TMEM182: variants seen among roughly 807,000 people sequenced by gnomAD.
TMEM182 encodes the protein transmembrane protein 182.
In TMEM182, 20 loss-of-function variants were observed where a neutral mutation model predicts 26.8. That is an observed-to-expected ratio of 0.75 (90% CI 0.53 to 1.09). TMEM182 has a LOEUF of 1.09. Among genes scored for constraint, TMEM182 ranks in the 50% least tolerant of loss-of-function variants. TMEM182 has a pLI of 0.00. For missense variants in TMEM182, 277 were observed against 275.5 expected (o/e 1.01, Z -0.04); for synonymous variants, 109 against 102.2 (o/e 1.07, Z -0.40).
intron 3 of TMEM182, among the ~76,000 whole-genome samples, chr2:102,771,928 G>A (rs1026799025): frequency 6.6e-6 from 1 of 152,176 alleles, no homozygotes; most frequent in South Asian, 2.1e-4. Context: ...GGTGTCCTGG[G>A]TGTGGGTGGG....
In TMEM182 at chr2:102,750,007, A is replaced by G. The variant is rs144763189; in HGVS notation, c.-82-8382A>G. 6.6e-3 allele frequency among the ~76,000 whole-genome samples: 998 copies of G among 152,050 alleles called. 24 individuals carry two copies. Among genetic ancestry groups the G allele is most frequent in the Admixed American group, 0.048 (728 of 15,290 alleles). On this transcript the variant is annotated intron_variant, in intron 1 of 5. Coordinates refer to the TMEM182 transcript ENST00000409173. Reference sequence around the variant, plus strand: ...ATATTTTTCAGTTTTCTATCTGGCGATCATATTAATTAATTTATAATAAAT... The same window carrying G: ...ATATTTTTCAGTTTTCTATCTGGCGGTCATATTAATTAATTTATAATAAAT...
chr2:102,824,431 CT>C (rs768081112), intron 3 of TMEM182, among the ~76,000 whole-genome samples: 3 of 152,244 alleles, frequency 2.0e-5, no homozygotes, highest in South Asian at 4.1e-4. Context: ...TGGACTTCCT[CT>C]TTGCTGTTCT....
chr2:102,762,790 A>G (rs964321852), intron 2 of TMEM182, 104 bp downstream of exon 2: 5 of 872,114 alleles, frequency 5.7e-6, no homozygotes, highest in East Asian at 2.7e-5. Flanking sequence ...GTGAGTTACA[A>G]AATCTCAATT....
At chr2:102,834,191 A>G (rs569821458) in intron 3 of TMEM182, among the ~76,000 whole-genome samples, 54 of 152,306 alleles carry the variant, frequency 3.5e-4, no homozygotes, top group African/African-American at 1.2e-3. Context: ...TATCTCTGGC[A>G]ATGACATGGC....
chr2:102,806,101 C>T (rs529539232), intron 4 of TMEM182, among the ~76,000 whole-genome samples: 38 of 152,244 alleles, frequency 2.5e-4, no homozygotes, highest in Non-Finnish European at 4.0e-4. Flanking sequence ...TCCTATCCCC[C>T]AAATAGTCAC....
At chr2:102,761,727 T>C (rs1159531342), upstream of TMEM182, among the ~76,000 whole-genome samples, 2 of 152,228 alleles carry the variant, frequency 1.3e-5, no homozygotes, top group Non-Finnish European at 2.9e-5. Flanking sequence ...AAAGAGAGTC[T>C]TAAGTGTCTT....
chr2:102,793,687 G>T (rs902097450), intron 3 of TMEM182, among the ~76,000 whole-genome samples: 5 of 152,148 alleles, frequency 3.3e-5, no homozygotes, highest in Non-Finnish European at 7.3e-5. Flanking sequence ...TAGGTAAATT[G>T]TTGCTATACT....
At chr2:102,740,933 T>C (rs1679522581) in intron 1 of TMEM182, among the ~76,000 whole-genome samples, 1 of 152,222 alleles carries the variant, frequency 6.6e-6, no homozygotes, top group South Asian at 2.1e-4. Flanking sequence ...CTCAACATAA[T>C]TATGCTGAGT....
intron 3 of TMEM182, among the ~76,000 whole-genome samples, chr2:102,791,444 A>G (rs538607201): frequency 1.2e-4 from 19 of 152,212 alleles, no homozygotes; most frequent in Non-Finnish European, 2.5e-4. Flanking sequence ...GTAATTCTGT[A>G]AAAGTTTAAT....
chr2:102,801,942 A>C (rs1412254739), intron 4 of TMEM182, among the ~76,000 whole-genome samples: 1 of 152,012 alleles, frequency 6.6e-6, no homozygotes, highest in African/African-American at 2.4e-5. Flanking sequence ...GTGTATGACC[A>C]TTTGTTTACC....
chr2:102,833,666 C>T (rs1683191416), intron 3 of TMEM182, among the ~76,000 whole-genome samples: 1 of 152,182 alleles, frequency 6.6e-6, no homozygotes, highest in Non-Finnish European at 1.5e-5. Flanking sequence ...GGTCCAGGAT[C>T]CCACCATGCA....
intron 3 of TMEM182, among the ~76,000 whole-genome samples, chr2:102,838,643 G>A (rs1683292711): frequency 6.6e-6 from 1 of 152,158 alleles, no homozygotes; most frequent in Non-Finnish European, 1.5e-5. Flanking sequence ...GAAAACACTT[G>A]GGGCAAATGT....
intron 3 of TMEM182, among the ~76,000 whole-genome samples, chr2:102,769,006 C>T (rs528733797): frequency 3.3e-5 from 5 of 152,080 alleles, no homozygotes; most frequent in African/African-American, 9.7e-5. Context: ...CTGCCAGGAA[C>T]CCAGGCTCTG....
chr2:102,795,586 G>A (rs1681835451), intron 3 of TMEM182, among the ~76,000 whole-genome samples: 1 of 152,146 alleles, frequency 6.6e-6, no homozygotes, highest in Non-Finnish European at 1.5e-5. Context: ...CTCAGGGCTT[G>A]CTCTGGAACC....
intron 2 of TMEM182, 141 bp from the exon 3 acceptor site, chr2:102,764,188 A>T: frequency 2.6e-6 from 2 of 772,600 alleles, no homozygotes; most frequent in Non-Finnish European, 4.2e-6. Flanking sequence ...CCTCCTCACA[A>T]CAATTCGCTG....
chr2:102,762,770 G>A (rs565523571), intron 2 of TMEM182, 84 bp downstream of exon 2: 16 of 1,123,352 alleles, frequency 1.4e-5, no homozygotes, highest in African/African-American at 9.5e-5. Context: ...CACTTCTAGC[G>A]GACTGGATTG....
intron 3 of TMEM182, among the ~76,000 whole-genome samples, chr2:102,786,212 T>C (rs1681385208): frequency 1.6e-5 from 2 of 127,774 alleles, no homozygotes; most frequent in East Asian, 2.0e-4. Flanking sequence ...AGCAATCTGT[T>C]TTTTTTTTTT....
intron 1 of TMEM182, among the ~76,000 whole-genome samples, chr2:102,749,119 G>C (rs548089549): frequency 6.6e-6 from 1 of 151,968 alleles, no homozygotes; most frequent in South Asian, 2.1e-4. Flanking sequence ...ATCTCACTTT[G>C]GTTTACAATG....
chr2:102,824,078 A>C (rs1295766631), intron 3 of TMEM182, among the ~76,000 whole-genome samples: 2 of 152,140 alleles, frequency 1.3e-5, no homozygotes, highest in African/African-American at 4.8e-5. Context: ...TTGGACTCTA[A>C]ACAATTCCTG....
Sources: gnomAD v4.1 joint callset for allele counts (sites outside exome capture counted in the v4.1 genomes callset) on GRCh38, gnomAD v4.1.1 for gene constraint, MANE v1.5 for transcripts, NCBI Gene and HGNC (gene_info 2026-07-23, HGNC 2026-07-21) for gene names.